DIAPH3: variants seen among roughly 807,000 people sequenced by gnomAD.
DIAPH3 encodes protein diaphanous homolog 3.
Under a neutral mutation model 144.3 loss-of-function variants are expected in DIAPH3, and 117 were observed. That is an observed-to-expected ratio of 0.81 (90% confidence interval 0.70 to 0.95). The LOEUF (loss-of-function observed/expected upper bound fraction) is 0.95, where lower values mean the gene tolerates loss of function less well. Among genes scored for constraint, DIAPH3 ranks in the 40% least tolerant of loss-of-function variants. The pLI is 0.00. For missense variants in DIAPH3, 1,421 were observed against 1,412.7 expected (o/e 1.01, Z -0.09); for synonymous variants, 519 against 488.9 (o/e 1.06, Z -0.81).
intron 27 of DIAPH3, among the ~76,000 whole-genome samples, chr13:59,706,648 C>G (rs952494229): frequency 6.6e-6 from 1 of 152,068 alleles, no homozygotes; most frequent in Admixed American, 6.6e-5. Context: ...TTAAAGTGTC[C>G]ATAACCCATA....
intron 12 of DIAPH3, among the ~76,000 whole-genome samples, chr13:59,989,507 T>C (rs1442874274): frequency 6.6e-6 from 1 of 151,824 alleles, no homozygotes; most frequent in East Asian, 1.9e-4. Flanking sequence ...GAACACTGCC[T>C]TTGTGGCAAC....
At chr13:59,716,497 G>C (rs2035071063) in intron 27 of DIAPH3, among the ~76,000 whole-genome samples, 1 of 152,108 alleles carries the variant, frequency 6.6e-6, no homozygotes, top group Admixed American at 6.6e-5. Context: ...TTTAAAAAAA[G>C]AGATAACAAA....
At chr13:60,083,500 T>C (rs1566750928) in intron 4 of DIAPH3, among the ~76,000 whole-genome samples, 1 of 152,022 alleles carries the variant, frequency 6.6e-6, no homozygotes, top group Non-Finnish European at 1.5e-5. Context: ...ATCATGCCTC[T>C]AGATCTAGCT....
chr13:59,893,006 T>A (rs945507850), intron 20 of DIAPH3, among the ~76,000 whole-genome samples: 2 of 152,130 alleles, frequency 1.3e-5, no homozygotes, highest in Non-Finnish European at 2.9e-5. Flanking sequence ...TTAGAGTATT[T>A]GAAGTTTGTG....
At chr13:59,896,031 C>G (rs1309093901) in intron 20 of DIAPH3, among the ~76,000 whole-genome samples, 2 of 152,110 alleles carry the variant, frequency 1.3e-5, no homozygotes, top group Admixed American at 1.3e-4. Flanking sequence ...TAATTCTTTG[C>G]CAATATATCA....
At chr13:60,091,945 C>T (rs763956476) in intron 4 of DIAPH3, among the ~76,000 whole-genome samples, 2 of 151,922 alleles carry the variant, frequency 1.3e-5, no homozygotes, top group Admixed American at 6.6e-5. Context: ...TGGGTTCAAG[C>T]AATCCTCCCA....
chr13:59,898,024 C>T (rs568441750), intron 20 of DIAPH3, among the ~76,000 whole-genome samples: 3 of 149,120 alleles, frequency 2.0e-5, no homozygotes, highest in Admixed American at 6.7e-5. Flanking sequence ...ATCCTAGTTA[C>T]TCGGGAGGCT....
intron 4 of DIAPH3, among the ~76,000 whole-genome samples, chr13:60,065,655 C>T (rs899558452): frequency 6.6e-6 from 1 of 152,184 alleles, no homozygotes; most frequent in African/African-American, 2.4e-5. Flanking sequence ...CATGTCAACT[C>T]ATCAACAAAT....
Position 59,754,413 on chromosome 13 carries a change from T to C in DIAPH3, c.3319+19776A>G, listed in dbSNP as rs2037158371. Among the ~76,000 whole-genome samples, 3 of 152,148 alleles carry C rather than the reference T, an allele frequency of 2.0e-5. 1 individual carries two copies. The highest frequency in any genetic ancestry group is 4.1e-4 in the South Asian group (2 of 4,830). The stretch of plus-strand genomic sequence containing the variant: ...GTCAAATACTAGCTACTTTATTCTT[T>C]TTGGCATCTTATCTTTCTAAAATAG... On this transcript the variant is annotated intron_variant, in intron 27 of 27. Transcript: ENST00000400324.
At chr13:59,794,406 G>C (rs2039481105) in intron 25 of DIAPH3, among the ~76,000 whole-genome samples, 1 of 151,872 alleles carries the variant, frequency 6.6e-6, no homozygotes, top group Non-Finnish European at 1.5e-5. Context: ...AAATATAATA[G>C]AAGGATTTCT....
At chr13:60,021,162 A>G (rs1045585311) in intron 5 of DIAPH3, among the ~76,000 whole-genome samples, 1 of 152,232 alleles carries the variant, frequency 6.6e-6, no homozygotes, top group Non-Finnish European at 1.5e-5. Context: ...TGAATATATT[A>G]CCTCATGTAG....
At chr13:59,826,065 G>A (rs767123856) in intron 24 of DIAPH3, among the ~76,000 whole-genome samples, 132 of 152,232 alleles carry the variant, frequency 8.7e-4, no homozygotes, top group Non-Finnish European at 1.5e-3. Flanking sequence ...CAAACCCACA[G>A]CCAATATCAT....
At chr13:59,779,604 C>T (rs377297963) in intron 25 of DIAPH3, among the ~76,000 whole-genome samples, 17 of 151,732 alleles carry the variant, frequency 1.1e-4, no homozygotes, top group East Asian at 3.9e-4. Context: ...CTCTGCCTCC[C>T]GGGTCCAAGC....
intron 4 of DIAPH3, among the ~76,000 whole-genome samples, chr13:60,091,618 A>C (rs1025152274): frequency 6.6e-6 from 1 of 152,130 alleles, no homozygotes; most frequent in Non-Finnish European, 1.5e-5. Context: ...ACAACTAAAA[A>C]AAAGCCTTAG....
chr13:59,936,972 G>C (rs1199591214), intron 17 of DIAPH3, among the ~76,000 whole-genome samples: 1 of 151,994 alleles, frequency 6.6e-6, no homozygotes, highest in South Asian at 2.1e-4. Context: ...GACCATCCTG[G>C]CTAACATGGT....
chr13:60,075,133 CTATTA>C (rs2057337292), intron 4 of DIAPH3, among the ~76,000 whole-genome samples: 1 of 152,136 alleles, frequency 6.6e-6, no homozygotes, highest in Non-Finnish European at 1.5e-5. Flanking sequence ...TTTAGTTTTT[CTATTA>C]TGACAGACAA....
chr13:59,952,131 A>G (rs917733586), intron 17 of DIAPH3, among the ~76,000 whole-genome samples: 3 of 152,176 alleles, frequency 2.0e-5, no homozygotes, highest in African/African-American at 7.2e-5. Context: ...ATATTATGTA[A>G]AGTGAAAGCC....
chr13:60,142,189 C>T (rs1343245625), intron 1 of DIAPH3, among the ~76,000 whole-genome samples: 1 of 152,162 alleles, frequency 6.6e-6, no homozygotes, highest in Non-Finnish European at 1.5e-5. Context: ...CCAACTTACA[C>T]AGTAAATAAT....
At chr13:59,862,276 A>G (rs1393979860) in intron 21 of DIAPH3, among the ~76,000 whole-genome samples, 1 of 152,222 alleles carries the variant, frequency 6.6e-6, no homozygotes, top group Non-Finnish European at 1.5e-5. Flanking sequence ...CCAAAAAATA[A>G]AAGGAAAGAT....
Sources: allele counts gnomAD v4.1 joint callset (sites outside exome capture counted in the v4.1 genomes callset), GRCh38; gene constraint gnomAD v4.1.1; transcripts MANE v1.5; gene names NCBI Gene and HGNC (gene_info 2026-07-23, HGNC 2026-07-21).